The following CSMD3 variants were observed in gnomAD, a reference collection of about 807,000 sequenced individuals.
CSMD3 encodes CUB and sushi domain-containing protein 3.
A neutral mutation model predicts 435.2 loss-of-function variants in CSMD3; 177 were observed. The observed-to-expected ratio is 0.41, with a 90% CI of 0.36 to 0.46. The LOEUF (loss-of-function observed/expected upper bound fraction) is 0.46. Among genes scored for constraint, CSMD3 ranks in the 20% least tolerant of loss-of-function variants. The probability of loss-of-function intolerance (pLI) is 0.34; values close to 1 mark genes in which losing one functional copy is unlikely to be tolerated. For synonymous variants in CSMD3, 1,656 were observed against 1,520.5 expected, an observed-to-expected ratio of 1.09 and a Z score of -2.07; for missense variants, 4,265 against 4,504.6, an observed-to-expected ratio of 0.95 and a Z score of 1.52.
chr8:113,251,273 G>C (rs1247059860), intron 3 of CSMD3, among the ~76,000 whole-genome samples: 1 of 151,970 alleles, frequency 6.6e-6, no homozygotes, highest in East Asian at 1.9e-4. Flanking sequence ...ACAGTAGGAA[G>C]CACAAAGAAT....
At chr8:112,419,342 A>G (rs1361472843) in intron 32 of CSMD3, among the ~76,000 whole-genome samples, 1 of 152,204 alleles carries the variant, frequency 6.6e-6, no homozygotes, top group Admixed American at 6.5e-5. Flanking sequence ...CTCACAGAGT[A>G]TAATGAGACC....
chr8:112,784,766 A>G (rs1351959563), intron 13 of CSMD3, among the ~76,000 whole-genome samples: 1 of 152,052 alleles, frequency 6.6e-6, no homozygotes, highest in African/African-American at 2.4e-5. Flanking sequence ...GATTGTGGCC[A>G]TAATAAAATG....
intron 4 of CSMD3, among the ~76,000 whole-genome samples, chr8:113,134,387 A>G (rs1042336439): frequency 5.1e-4 from 77 of 152,154 alleles, no homozygotes; most frequent in African/African-American, 1.9e-3. Flanking sequence ...TGTATTAGAC[A>G]TATTTTAGTT....
intron 38 of CSMD3, among the ~76,000 whole-genome samples, chr8:112,358,942 T>A (rs1356227575): frequency 6.6e-6 from 1 of 151,872 alleles, no homozygotes; most frequent in East Asian, 1.9e-4. Flanking sequence ...TAAAAAAGAG[T>A]TTATTTTTCA....
At chr8:112,492,815 A>C in intron 30 of CSMD3, 132 bp from the exon 31 acceptor site, 1 of 753,060 alleles carries the variant, frequency 1.3e-6, no homozygotes, top group South Asian at 1.5e-5. Context: ...ATCTGTACTG[A>C]ATATATACAG....
At chr8:113,363,916 T>C (rs2094294357) in intron 1 of CSMD3, among the ~76,000 whole-genome samples, 2 of 152,166 alleles carry the variant, frequency 1.3e-5, no homozygotes, top group Admixed American at 1.3e-4. Context: ...GGATTTTTCT[T>C]TGGGGATTGT....
In CSMD3 at chr8:113,128,696, C is replaced by G. The variant is rs183251687; in HGVS notation, c.710-29733G>C. On this transcript the variant is annotated intron_variant, in intron 4 of 70. Transcript: ENST00000297405. Reference sequence around the variant, plus strand: ...GACAGAGGCTTCCTTATTTAAATTCCAAACATATTTGAGTATATAAACCAG... The same window carrying G: ...GACAGAGGCTTCCTTATTTAAATTCGAAACATATTTGAGTATATAAACCAG... Among the ~76,000 whole-genome samples the G allele has an allele frequency of 8.8e-4, 134 of 151,954 alleles. 2 individuals carry two copies. Among genetic ancestry groups the G allele is most frequent in the East Asian group, 7.7e-4 (4 of 5,166 alleles).
At chr8:112,758,627 C>T (rs895352860) in intron 13 of CSMD3, among the ~76,000 whole-genome samples, 1 of 151,980 alleles carries the variant, frequency 6.6e-6, no homozygotes, top group Non-Finnish European at 1.5e-5. Flanking sequence ...GTGGTTACAC[C>T]ATTTGAATTC....
intron 69 of CSMD3, 53 bp from the exon 70 acceptor site, chr8:112,228,944 T>C (rs1812829107): frequency 1.0e-6 from 1 of 974,256 alleles, no homozygotes; most frequent in Non-Finnish European, 1.6e-6. Context: ...CATAATTAAT[T>C]TCTACTCCCA....
chr8:112,603,974 C>T (rs1832588281), intron 22 of CSMD3, among the ~76,000 whole-genome samples: 1 of 152,030 alleles, frequency 6.6e-6, no homozygotes, highest in Non-Finnish European at 1.5e-5. Context: ...TAAATCTAGT[C>T]ACTTAAACTG....
chr8:113,398,189 A>G (rs1330301339), intron 1 of CSMD3, among the ~76,000 whole-genome samples: 2 of 152,160 alleles, frequency 1.3e-5, no homozygotes, highest in African/African-American at 4.8e-5. Flanking sequence ...TATTCTTCAC[A>G]TTTGGCTTAT....
At chr8:113,325,376 T>G (rs915518099) in intron 1 of CSMD3, among the ~76,000 whole-genome samples, 1 of 152,152 alleles carries the variant, frequency 6.6e-6, no homozygotes, top group Non-Finnish European at 1.5e-5. Flanking sequence ...TGAATACATC[T>G]CAGAAGAACT....
chr8:112,842,877 G>T lies in CSMD3; in HGVS notation c.1756-13088C>A, dbSNP rs80035108. ...ATACTCAAAGTCAATGACTATTATT[G>T]TAAGTATTAAACTCTCGTGATGTTA... On this transcript the variant is annotated intron_variant, in intron 11 of 70. Transcript: ENST00000297405. Among the ~76,000 whole-genome samples the T allele has an allele frequency of 6.6e-3, 1,004 of 151,684 alleles. 11 individuals are homozygous for T. The highest frequency in any genetic ancestry group is 0.023 in the African/African-American group (950 of 41,416).
At chr8:113,188,231 T>C (rs2092536991) in intron 3 of CSMD3, among the ~76,000 whole-genome samples, 1 of 152,052 alleles carries the variant, frequency 6.6e-6, no homozygotes, top group South Asian at 2.1e-4. Context: ...TTGTAAATGC[T>C]CTGTCTATTC....
At chr8:113,311,022 A>G (rs1475441798) in intron 2 of CSMD3, 2 of 152,002 alleles carry the variant, frequency 1.3e-5, no homozygotes, top group Non-Finnish European at 2.9e-5. Flanking sequence ...AGAGATTATT[A>G]AGGACATACA....
chr8:113,374,193 A>C (rs756240855), intron 1 of CSMD3, among the ~76,000 whole-genome samples: 1 of 152,090 alleles, frequency 6.6e-6, no homozygotes, highest in Non-Finnish European at 1.5e-5. Flanking sequence ...TTGGCATATG[A>C]GTATAGACAC....
At chr8:112,471,584 T>C (rs1311765087) in intron 32 of CSMD3, among the ~76,000 whole-genome samples, 2 of 152,144 alleles carry the variant, frequency 1.3e-5, no homozygotes, top group Admixed American at 1.3e-4. Flanking sequence ...TCAAATAAGT[T>C]GAAGATCTTG....
chr8:112,424,663 C>T (rs867174162), intron 32 of CSMD3, among the ~76,000 whole-genome samples: 14 of 152,100 alleles, frequency 9.2e-5, no homozygotes, highest in South Asian at 6.2e-4. Flanking sequence ...TGTTCCCATT[C>T]TTCTATTTTA....
intron 40 of CSMD3, among the ~76,000 whole-genome samples, 177 bp from the exon 41 acceptor site, chr8:112,346,390 C>T (rs1298390815): frequency 6.6e-6 from 1 of 152,146 alleles, no homozygotes; most frequent in African/African-American, 2.4e-5. Flanking sequence ...AACAGATTTT[C>T]TAAAACAGCA....
Sources: gnomAD v4.1 joint callset for allele counts (sites outside exome capture counted in the v4.1 genomes callset) on GRCh38, gnomAD v4.1.1 for gene constraint, MANE v1.5 for transcripts, NCBI Gene and HGNC (gene_info 2026-07-23, HGNC 2026-07-21) for gene names.